Variants in NFKB1 observed in about 807,000 individuals in gnomAD.
NFKB1 encodes the protein nuclear factor NF-kappa-B p105 subunit.
A neutral mutation model predicts 105.1 loss-of-function variants in NFKB1; 9 were observed. The observed-to-expected ratio is 0.09, with a 90% CI of 0.05 to 0.15. The LOEUF is 0.15. NFKB1 is among the 10% of genes least tolerant of loss of function. NFKB1 has a pLI of 1.00. For synonymous variants in NFKB1, 440 were observed against 442.2 expected (o/e 1.00, Z 0.06); for missense variants, 830 against 1,203.7 (o/e 0.69, Z 4.59).
intron 20 of NFKB1, 135 bp downstream of exon 20, chr4:102,610,834 G>C (rs4648104): frequency 0.046 from 53,320 of 1,163,362 alleles, 1,391 homozygotes; most frequent in Non-Finnish European, 0.052. Context: ...CTGTTTGTCA[G>C]AGACCATTTT....
At chr4:102,527,752 T>C (rs1233662954) in intron 2 of NFKB1, among the ~76,000 whole-genome samples, 1 of 152,158 alleles carries the variant, frequency 6.6e-6, no homozygotes, top group Non-Finnish European at 1.5e-5. Context: ...TTTATTGTGC[T>C]TTCTCTAACA....
chr4:102,601,335 TAAAGTTAAAA>T (rs560876237), intron 16 of NFKB1, among the ~76,000 whole-genome samples: 313 of 134,906 alleles, frequency 2.3e-3, no homozygotes, highest in Non-Finnish European at 3.7e-3. Context: ...TCAAGAAAAA[TAAAGTTAAAA>T]AAAGTTTGAA....
At chr4:102,579,716 A>G (rs1283689027) in intron 8 of NFKB1, among the ~76,000 whole-genome samples, 5 of 150,328 alleles carry the variant, frequency 3.3e-5, no homozygotes, top group Non-Finnish European at 7.4e-5. Flanking sequence ...GTTTTACAGT[A>G]ATCTTCAGCA....
intron 11 of NFKB1, among the ~76,000 whole-genome samples, chr4:102,591,180 G>T (rs1241895582): frequency 6.6e-6 from 1 of 152,164 alleles, no homozygotes; most frequent in Non-Finnish European, 1.5e-5. Context: ...GATGAAGGTG[G>T]CCACACCAAA....
intron 16 of NFKB1, among the ~76,000 whole-genome samples, chr4:102,605,265 A>G (rs1014015781): frequency 1.3e-5 from 2 of 152,162 alleles, no homozygotes; most frequent in South Asian, 2.1e-4. Context: ...TGAAAGAAAT[A>G]AGGGCAAGTA....
In NFKB1 at chr4:102,576,994, C is replaced by T; in HGVS notation, c.526C>T (p.Leu176Phe). The change falls in exon 7 of 24, where the codon CTT becomes TTT. Residue 176 changes from leucine (L) to phenylalanine (F), a missense_variant. Physicochemically the swap from Leu to Phe is conservative, Grantham distance 22. This residue lies in a region of NFKB1 where 80 missense variants were observed against 122.6 expected (regional missense o/e 0.65). Coordinates refer to ENST00000226574, the MANE Select transcript of NFKB1 (RefSeq NM_003998.4). Reference sequence around the variant, plus strand: ...TCCTGGACTCTTGGTGCACCCTGACCTTGCCTATTTGCAAGCAGAAGGTGG... The same window carrying T: ...TCCTGGACTCTTGGTGCACCCTGACTTTGCCTATTTGCAAGCAGAAGGTGG... The part of the protein sequence containing the change: ...YNPGLLVHPD[L>F]AYLQAEGGGD... 6.2e-7 allele frequency: 1 copy of T among 1,613,308 alleles called. No homozygotes were observed. The highest frequency in any genetic ancestry group is 8.5e-7 in the Non-Finnish European group (1 of 1,179,790).
intron 1 of NFKB1, among the ~76,000 whole-genome samples, chr4:102,521,665 G>A (rs1378250309): frequency 6.6e-6 from 1 of 152,068 alleles, no homozygotes; most frequent in Admixed American, 6.5e-5. Context: ...AAGGACAGGC[G>A]TGCCCCCAAC....
At chr4:102,554,600 C>T (rs986493949) in intron 5 of NFKB1, among the ~76,000 whole-genome samples, 2 of 152,166 alleles carry the variant, frequency 1.3e-5, no homozygotes, top group African/African-American at 4.8e-5. Context: ...GGATATTTTT[C>T]AGTGACTCAG....
At chr4:102,512,109 T>A (rs1467687854) in intron 1 of NFKB1, among the ~76,000 whole-genome samples, 3 of 152,232 alleles carry the variant, frequency 2.0e-5, no homozygotes, top group Admixed American at 1.3e-4. Flanking sequence ...AACAAAATAC[T>A]GTTTTTCCTC....
At chr4:102,553,496 C>A (rs905057510) in intron 5 of NFKB1, among the ~76,000 whole-genome samples, 2 of 152,068 alleles carry the variant, frequency 1.3e-5, no homozygotes, top group African/African-American at 2.4e-5. Flanking sequence ...TTAATAATTT[C>A]TATTTTCAAT....
chr4:102,594,456 A>T (rs1726438077), intron 12 of NFKB1, among the ~76,000 whole-genome samples: 1 of 152,186 alleles, frequency 6.6e-6, no homozygotes, highest in South Asian at 2.1e-4. Flanking sequence ...GCTTCCACCA[A>T]AAATGCCTAA....
chr4:102,550,188 G>C (rs1322133444), intron 5 of NFKB1, among the ~76,000 whole-genome samples: 2 of 151,768 alleles, frequency 1.3e-5, no homozygotes, highest in African/African-American at 2.4e-5. Context: ...TCCTATTCTT[G>C]GCCAGTGGGA....
intron 1 of NFKB1, among the ~76,000 whole-genome samples, chr4:102,502,596 G>A (rs954805497): frequency 6.6e-6 from 1 of 152,078 alleles, no homozygotes; most frequent in Non-Finnish European, 1.5e-5. Context: ...CAAAAATAAT[G>A]TAAAAACAAG....
chr4:102,586,118 C>G (rs1725692494), intron 11 of NFKB1, among the ~76,000 whole-genome samples: 1 of 152,058 alleles, frequency 6.6e-6, no homozygotes. Context: ...AAGAGTAATG[C>G]AAGAATCCAA....
chr4:102,596,694 CT>C (rs1726645931), intron 14 of NFKB1, among the ~76,000 whole-genome samples: 1 of 152,106 alleles, frequency 6.6e-6, no homozygotes, highest in Non-Finnish European at 1.5e-5. Flanking sequence ...AACCGTCATA[CT>C]GAAATAGAAC....
chr4:102,551,288 A>G (rs1184125266), intron 5 of NFKB1, among the ~76,000 whole-genome samples: 1 of 152,106 alleles, frequency 6.6e-6, no homozygotes, highest in Non-Finnish European at 1.5e-5. Flanking sequence ...GTGAGAGAGT[A>G]ATCAGGGTAT....
At chr4:102,570,987 C>A (rs951258405) in intron 6 of NFKB1, among the ~76,000 whole-genome samples, 13 of 152,156 alleles carry the variant, frequency 8.5e-5, no homozygotes, top group Admixed American at 3.9e-4. Context: ...AAACTACTTT[C>A]AAGTTCATAT....
At chr4:102,521,800 T>C (rs745720259) in intron 1 of NFKB1, among the ~76,000 whole-genome samples, 1 of 152,152 alleles carries the variant, frequency 6.6e-6, no homozygotes, top group Non-Finnish European at 1.5e-5. Context: ...GTTCAGAAAA[T>C]AACCCATTAG....
In NFKB1 at chr4:102,577,752, CCCT is replaced by C. The variant is rs1724974439; in HGVS notation, c.571+718_571+720del. On this transcript the variant is annotated intron_variant, in intron 7 of 23. Coordinates refer to ENST00000226574, the MANE Select transcript of NFKB1 (RefSeq NM_003998.4). Reference sequence around the variant, plus strand: ...AAACCTTCCCATCCTCACTGACTCCCCCTCCTCGCCTGTGCTGCGAGGCTGTGG... The same window carrying C: ...AAACCTTCCCATCCTCACTGACTCCCCCTCGCCTGTGCTGCGAGGCTGTGG... 7.9e-6 allele frequency: 7 copies of C among 885,738 alleles called. No individual in the cohort carries two copies. The South Asian group carries it at 3.1e-4, about 39-fold the overall frequency. The allele number at this position is 885,738 out of a possible 1,614,324, so 54.9% of individuals were successfully genotyped here.
Sources: allele counts gnomAD v4.1 joint callset (sites outside exome capture counted in the v4.1 genomes callset), GRCh38; gene constraint gnomAD v4.1.1; regional missense constraint gnomAD v4.1.1; transcripts MANE v1.5; gene names NCBI Gene and HGNC (gene_info 2026-07-23, HGNC 2026-07-21).